The following SNTG2 variants were observed in gnomAD, a reference collection of about 807,000 sequenced individuals.
The protein encoded by SNTG2 is syntrophin gamma 2, also known as gamma-2-syntrophin.
Under a neutral mutation model 70.9 loss-of-function variants are expected in SNTG2, and 74 were observed. The observed-to-expected ratio is 1.04, with a 90% CI of 0.86 to 1.27. The LOEUF is 1.27. Among genes scored for constraint, SNTG2 ranks in the 50% most tolerant of loss-of-function variants. SNTG2 has a pLI of 0.00. For missense variants in SNTG2, 717 were observed against 690.7 expected (o/e 1.04, Z -0.43); for synonymous variants, 278 against 273.8 (o/e 1.02, Z -0.15).
chr2:1,254,940 C>T (rs1316619928), intron 12 of SNTG2, among the ~76,000 whole-genome samples: 1 of 152,200 alleles, frequency 6.6e-6, no homozygotes, highest in Admixed American at 6.5e-5. Context: ...GGATCTCTCT[C>T]CGGACATGCA....
intron 1 of SNTG2, among the ~76,000 whole-genome samples, chr2:986,612 A>G (rs924392919): frequency 2.0e-5 from 3 of 152,228 alleles, no homozygotes; most frequent in Non-Finnish European, 2.9e-5. Context: ...TGATGCTCAC[A>G]TTGTATTTAA....
At chr2:999,782 TAACAAACAC>T (rs1661807288) in intron 1 of SNTG2, among the ~76,000 whole-genome samples, 1 of 151,950 alleles carries the variant, frequency 6.6e-6, no homozygotes, top group Non-Finnish European at 1.5e-5. Flanking sequence ...CAGATGGACA[TAACAAACAC>T]ATTGCATTCT....
At chr2:1,336,652 T>C (rs1213289760) in intron 16 of SNTG2, among the ~76,000 whole-genome samples, 1 of 152,216 alleles carries the variant, frequency 6.6e-6, no homozygotes, top group African/African-American at 2.4e-5. Flanking sequence ...GTGAAATAAA[T>C]ATCTGATTTC....
At chr2:1,236,920 A>T (rs1462450345) in intron 9 of SNTG2, among the ~76,000 whole-genome samples, 1 of 151,824 alleles carries the variant, frequency 6.6e-6, no homozygotes, top group Non-Finnish European at 1.5e-5. Flanking sequence ...TATGAGTCAT[A>T]TACATTAATA....
intron 1 of SNTG2, among the ~76,000 whole-genome samples, chr2:1,069,944 G>T (rs1272261988): frequency 1.3e-5 from 2 of 152,198 alleles, no homozygotes; most frequent in African/African-American, 4.8e-5. Context: ...TCACCGCCTA[G>T]GTTCCCTGGA....
chr2:1,328,962 TAC>T (rs1315191591), intron 16 of SNTG2, among the ~76,000 whole-genome samples: 1 of 152,066 alleles, frequency 6.6e-6, no homozygotes, highest in Non-Finnish European at 1.5e-5. Flanking sequence ...CATACGCACA[TAC>T]ACAGACACAT....
intron 2 of SNTG2, 47 bp downstream of exon 2, chr2:1,083,702 C>A (rs911233215): frequency 3.1e-6 from 5 of 1,605,660 alleles, no homozygotes; most frequent in Non-Finnish European, 4.3e-6. Context: ...TCGGACGAGC[C>A]CCATGAACGG....
chr2:975,352 G>C, intron 1 of SNTG2, among the ~76,000 whole-genome samples: 1 of 151,038 alleles, frequency 6.6e-6, no homozygotes, highest in Non-Finnish European at 1.5e-5. Flanking sequence ...CCACATGCTT[G>C]GACTCACACC....
intron 1 of SNTG2, among the ~76,000 whole-genome samples, chr2:1,000,790 A>G (rs1277296061): frequency 6.6e-6 from 1 of 151,898 alleles, no homozygotes; most frequent in Non-Finnish European, 1.5e-5. Context: ...TCATGATAAA[A>G]AAAACCTAGC....
intron 14 of SNTG2, among the ~76,000 whole-genome samples, chr2:1,296,688 T>C (rs540507954): frequency 6.6e-6 from 1 of 152,180 alleles, no homozygotes; most frequent in Admixed American, 6.5e-5. Context: ...GGAATGACAG[T>C]CCCTGAGCAG....
At chr2:1,306,900 C>T (rs897156336) in intron 14 of SNTG2, among the ~76,000 whole-genome samples, 1 of 151,852 alleles carries the variant, frequency 6.6e-6, no homozygotes, top group Non-Finnish European at 1.5e-5. Flanking sequence ...CTGTGTGCCC[C>T]GCACTGTGTG....
intron 16 of SNTG2, among the ~76,000 whole-genome samples, chr2:1,336,849 G>A (rs1374250120): frequency 6.8e-6 from 1 of 148,102 alleles, no homozygotes; most frequent in East Asian, 1.9e-4. Context: ...TGCTGTTTTG[G>A]TTGTTACAGC....
chr2:1,180,386 C>T (rs1260037847), intron 8 of SNTG2, among the ~76,000 whole-genome samples: 6 of 133,170 alleles, frequency 4.5e-5, no homozygotes, highest in Admixed American at 8.3e-5. Context: ...AAACAAACAA[C>T]CCCATCAAAA....
Position 1,267,589 on chromosome 2 carries a change from A to T in SNTG2, c.1284+18A>T, listed in dbSNP as rs1558616475. The T allele has an allele frequency of 6.2e-7, 1 of 1,608,728 alleles. No homozygotes were observed. Among genetic ancestry groups the T allele is most frequent in the South Asian group, 1.1e-5 (1 of 90,746 alleles). ...GAACCGGGGTAAGTGAACAACTCACACTCTTCTCACCTACACCTGCTCGGG... is the reference window on the plus strand; with the variant it reads ...GAACCGGGGTAAGTGAACAACTCACTCTCTTCTCACCTACACCTGCTCGGG... On this transcript the variant is annotated intron_variant, in intron 14 of 16. Coordinates refer to ENST00000308624, the MANE Select transcript of SNTG2 (RefSeq NM_018968.4).
At chr2:1,356,673 A>T (rs1660868504) in intron 16 of SNTG2, among the ~76,000 whole-genome samples, 1 of 152,174 alleles carries the variant, frequency 6.6e-6, no homozygotes, top group Non-Finnish European at 1.5e-5. Context: ...GTGGTTTCAT[A>T]TAAATTTTAG....
chr2:1,283,870 T>G (rs1428278861), intron 14 of SNTG2, among the ~76,000 whole-genome samples: 1 of 152,204 alleles, frequency 6.6e-6, no homozygotes, highest in South Asian at 2.1e-4. Context: ...GCCCGCTGTC[T>G]TCTTTACCTA....
At chr2:1,202,186 C>G (rs1457727496) in intron 8 of SNTG2, among the ~76,000 whole-genome samples, 2 of 152,132 alleles carry the variant, frequency 1.3e-5, no homozygotes, top group East Asian at 3.9e-4. Context: ...TAAACTGTTT[C>G]TTTTCTCAGT....
At chr2:1,263,194 C>T (rs932133898) in intron 13 of SNTG2, among the ~76,000 whole-genome samples, 3 of 151,946 alleles carry the variant, frequency 2.0e-5, no homozygotes, top group Admixed American at 1.3e-4. Flanking sequence ...AAGGATATTC[C>T]TTAAATTAAT....
At chr2:1,310,459 A>G (rs1278854612) in intron 15 of SNTG2, among the ~76,000 whole-genome samples, 2 of 152,200 alleles carry the variant, frequency 1.3e-5, no homozygotes, top group Non-Finnish European at 2.9e-5. Context: ...TGAGTCTGCA[A>G]AAATGAAAAG....
Sources: allele counts gnomAD v4.1 joint callset (sites outside exome capture counted in the v4.1 genomes callset), GRCh38; gene constraint gnomAD v4.1.1; transcripts MANE v1.5; gene names NCBI Gene and HGNC (gene_info 2026-07-23, HGNC 2026-07-21).